Variants in LAPTM4B observed in about 807,000 individuals in gnomAD.
The protein encoded by LAPTM4B is lysosomal-associated transmembrane protein 4B.
A neutral mutation model predicts 28.5 loss-of-function variants in LAPTM4B; 26 were observed. The ratio of observed to expected loss-of-function variants is 0.91; its 90% CI spans 0.67 to 1.27. LAPTM4B has a LOEUF of 1.27. Among genes scored for constraint, LAPTM4B ranks in the 50% most tolerant of loss-of-function variants. LAPTM4B has a pLI of 0.00. For missense variants in LAPTM4B, 288 were observed against 285.8 expected, an observed-to-expected ratio of 1.01 and a Z score of -0.06; for synonymous variants, 109 against 106.4, an observed-to-expected ratio of 1.02 and a Z score of -0.15.
At chr8:97,794,503 G>A (rs1301215510) in intron 1 of LAPTM4B, among the ~76,000 whole-genome samples, 1 of 151,982 alleles carries the variant, frequency 6.6e-6, no homozygotes, top group Non-Finnish European at 1.5e-5. Context: ...AATTTCTTAG[G>A]CAAATAGGAT....
intron 6 of LAPTM4B, among the ~76,000 whole-genome samples, chr8:97,836,115 A>G (rs1387673961): frequency 6.6e-6 from 1 of 151,874 alleles, no homozygotes; most frequent in African/African-American, 2.4e-5. Flanking sequence ...GTTGTCTTCC[A>G]TGAAACCAGG....
At chr8:97,790,351 C>T (rs150321695) in intron 1 of LAPTM4B, among the ~76,000 whole-genome samples, 3,732 of 150,400 alleles carry the variant, frequency 0.025, 158 homozygotes, top group African/African-American at 0.086. Context: ...CTCACTCTGT[C>T]GCCAGGCTGG....
intron 1 of LAPTM4B, among the ~76,000 whole-genome samples, chr8:97,804,696 TAAG>T (rs1258568568): frequency 1.3e-5 from 2 of 152,084 alleles, no homozygotes; most frequent in African/African-American, 2.4e-5. Flanking sequence ...AGAGAACAAA[TAAG>T]GAGGGCAGAA....
chr8:97,813,292 C>T (rs112996700), intron 2 of LAPTM4B, among the ~76,000 whole-genome samples: 13 of 152,314 alleles, frequency 8.5e-5, no homozygotes, highest in Middle Eastern at 6.8e-3. Context: ...AGTCCAAAAG[C>T]GGAAGAATCT....
intron 2 of LAPTM4B, among the ~76,000 whole-genome samples, chr8:97,810,544 G>GTT (rs1563610294): frequency 6.6e-6 from 1 of 151,906 alleles, no homozygotes. Flanking sequence ...GAATAAAAAG[G>GTT]TAAAGCACAG....
chr8:97,816,003 A>T, intron 3 of LAPTM4B, 55 bp from the exon 4 acceptor site: 1 of 1,457,446 alleles, frequency 6.9e-7, no homozygotes, highest in Non-Finnish European at 9.2e-7. Context: ...AATTTAAGAA[A>T]AATATTGTTT....
intron 1 of LAPTM4B, among the ~76,000 whole-genome samples, chr8:97,804,368 G>A (rs750031497): frequency 4.6e-5 from 7 of 152,224 alleles, no homozygotes; most frequent in Non-Finnish European, 8.8e-5. Context: ...TCAGGATTTT[G>A]CAGTTGGTTG....
At chr8:97,807,825 C>T (rs1816776920) in intron 2 of LAPTM4B, among the ~76,000 whole-genome samples, 2 of 150,820 alleles carry the variant, frequency 1.3e-5, no homozygotes, top group South Asian at 4.2e-4. Context: ...TCATCTTCCA[C>T]CACTGTTGTT....
At chr8:97,799,437 G>T (rs543651141) in intron 1 of LAPTM4B, among the ~76,000 whole-genome samples, 8 of 152,250 alleles carry the variant, frequency 5.3e-5, no homozygotes, top group African/African-American at 1.9e-4. Flanking sequence ...GTTTCAAAGG[G>T]ACTTTTCTTT....
intron 4 of LAPTM4B, among the ~76,000 whole-genome samples, chr8:97,818,757 A>C (rs999976961): frequency 6.6e-6 from 1 of 151,940 alleles, no homozygotes; most frequent in East Asian, 1.9e-4. Context: ...GCTGGAGTGC[A>C]GTGGCATGAT....
At chr8:97,805,192 A>G (rs1816740619) in intron 1 of LAPTM4B, among the ~76,000 whole-genome samples, 161 bp from the exon 2 acceptor site, 1 of 152,126 alleles carries the variant, frequency 6.6e-6, no homozygotes. Flanking sequence ...GGGAATGTTT[A>G]TCTGCTCCCT....
At chr8:97,818,154 TC>T (rs1474623054) in intron 4 of LAPTM4B, among the ~76,000 whole-genome samples, 2 of 152,192 alleles carry the variant, frequency 1.3e-5, no homozygotes, top group Non-Finnish European at 2.9e-5. Context: ...CATGATCTGA[TC>T]ACAAAGAATG....
At chr8:97,808,448 A>G (rs1816785115) in intron 2 of LAPTM4B, among the ~76,000 whole-genome samples, 1 of 126,072 alleles carries the variant, frequency 7.9e-6, no homozygotes, top group Non-Finnish European at 1.8e-5. Flanking sequence ...ACTACATTTC[A>G]AAATTAAAAT....
rs756863114 is a variant in LAPTM4B, at chr8:97,816,044, T to G, written c.286-14T>G. The G allele has an allele frequency of 2.0e-6, 3 of 1,524,360 alleles. No homozygotes were observed. The Admixed American group carries it at 5.8e-5, about 29-fold the overall frequency. The allele number at this position is 1,524,360 out of a possible 1,614,324, so 94.4% of individuals were successfully genotyped here. A position where few individuals can be genotyped will look rare whatever the true frequency, so the allele number is the denominator to read the frequency against. On this transcript the variant is annotated splice_polypyrimidine_tract_variant and intron_variant, in intron 3 of 6. Transcript: ENST00000521545. ...TATTGAACACATTAACTTTCTATTTTCTGTTCTGTTTAGCAACGCGCAGCC... is the reference window on the plus strand; with the variant it reads ...TATTGAACACATTAACTTTCTATTTGCTGTTCTGTTTAGCAACGCGCAGCC...
chr8:97,837,256 G>A (rs1817277014), intron 6 of LAPTM4B, among the ~76,000 whole-genome samples: 1 of 149,704 alleles, frequency 6.7e-6, no homozygotes, highest in Non-Finnish European at 1.5e-5. Context: ...GCGTGGGTGT[G>A]ATCTTGGCTC....
At chr8:97,829,696 C>CTT (rs926939613) in intron 6 of LAPTM4B, among the ~76,000 whole-genome samples, 10 of 147,284 alleles carry the variant, frequency 6.8e-5, no homozygotes, top group Non-Finnish European at 1.0e-4. Flanking sequence ...TTTCTTTCTT[C>CTT]TTTTTTTTTT....
At chr8:97,780,659 A>G (rs2129717120) in intron 1 of LAPTM4B, among the ~76,000 whole-genome samples, 1 of 152,274 alleles carries the variant, frequency 6.6e-6, no homozygotes, top group Middle Eastern at 3.4e-3. Flanking sequence ...CCCATTTTAC[A>G]GATGAGAAAA....
intron 5 of LAPTM4B, among the ~76,000 whole-genome samples, chr8:97,823,585 G>T: frequency 6.6e-6 from 1 of 151,522 alleles, no homozygotes; most frequent in Non-Finnish European, 1.5e-5. Flanking sequence ...GTGTTGGCCA[G>T]GCTGGTCTCA....
At position 97,819,159 on chromosome 8, in the gene LAPTM4B, G is replaced by C. The variant is rs754479476; in HGVS notation, c.428G>C (p.Arg143Thr). Residue 143 changes from arginine (R) to threonine (T), a missense_variant, in exon 5 of 7, where the codon AGA (arginine) becomes ACA (threonine). Coordinates refer to ENST00000521545, the MANE Select transcript of LAPTM4B (RefSeq NM_018407.6). ...TTGCAGCCTCCTAATTTTCCCTACA[G>C]AGATGATGTCATGTCAGTGAATCCT... Reference protein sequence around the residue: ...IRQLPPNFPYRDDVMSVNPTC... With the variant: ...IRQLPPNFPYTDDVMSVNPTC... 5 of 1,607,112 alleles carry C rather than the reference G, an allele frequency of 3.1e-6. No homozygotes were observed. The African/African-American group carries it at 6.7e-5, about 22-fold the overall frequency.
Sources: gnomAD v4.1 joint callset for allele counts (sites outside exome capture counted in the v4.1 genomes callset) on GRCh38, gnomAD v4.1.1 for gene constraint, MANE v1.5 for transcripts, NCBI Gene and HGNC (gene_info 2026-07-23, HGNC 2026-07-21) for gene names.